Variants in MACROD2 observed in about 807,000 individuals in gnomAD.
The protein encoded by MACROD2 is mono-ADP ribosylhydrolase 2.
Under a neutral mutation model 70.4 loss-of-function variants are expected in MACROD2, and 36 were observed. The ratio of observed to expected loss-of-function variants is 0.51; its 90% CI spans 0.39 to 0.68. MACROD2 has a LOEUF of 0.68. Ranked by LOEUF, MACROD2 falls within the 30% of genes least tolerant of loss-of-function variation. MACROD2 has a pLI of 0.00. For synonymous variants in MACROD2, 172 were observed against 178.8 expected (o/e 0.96, Z 0.30); for missense variants, 496 against 538.4 (o/e 0.92, Z 0.78).
intron 3 of MACROD2, among the ~76,000 whole-genome samples, chr20:14,322,403 A>ATC (rs1555780282): frequency 2.2e-5 from 2 of 89,172 alleles, no homozygotes; most frequent in South Asian, 3.0e-4. Flanking sequence ...TATCAATATA[A>ATC]TCTCTTTTTT....
intron 5 of MACROD2, among the ~76,000 whole-genome samples, chr20:14,790,080 C>A (rs1218756787): frequency 2.0e-5 from 3 of 151,832 alleles, no homozygotes; most frequent in African/African-American, 7.3e-5. Flanking sequence ...AATAATAAAA[C>A]CAAAATTATC....
intron 5 of MACROD2, among the ~76,000 whole-genome samples, chr20:14,750,988 T>G (rs1299523102): frequency 2.6e-5 from 4 of 152,120 alleles, no homozygotes; most frequent in Non-Finnish European, 5.9e-5. Flanking sequence ...TTGTTTTCCC[T>G]GTCAGGCTTT....
intron 5 of MACROD2, among the ~76,000 whole-genome samples, chr20:14,742,605 A>G (rs2071746234): frequency 6.6e-6 from 1 of 151,632 alleles, no homozygotes; most frequent in Admixed American, 6.6e-5. Context: ...GGTTAAAATC[A>G]TGGTTGAAAT....
intron 3 of MACROD2, among the ~76,000 whole-genome samples, chr20:14,190,828 C>T (rs1284193607): frequency 1.3e-5 from 2 of 148,668 alleles, no homozygotes; most frequent in African/African-American, 5.0e-5. Context: ...CTGCCTCAGC[C>T]TCCTGAGTAG....
At chr20:15,101,048 A>G (rs185230320) in intron 5 of MACROD2, among the ~76,000 whole-genome samples, 4 of 152,270 alleles carry the variant, frequency 2.6e-5, no homozygotes, top group African/African-American at 9.6e-5. Context: ...GATGACTAAG[A>G]TACTGCTATT....
intron 5 of MACROD2, among the ~76,000 whole-genome samples, chr20:14,866,985 T>C (rs1349075140): frequency 6.6e-6 from 1 of 152,104 alleles, no homozygotes; most frequent in African/African-American, 2.4e-5. Context: ...TAACAGTAAT[T>C]TTCCCCCCTG....
intron 7 of MACROD2, among the ~76,000 whole-genome samples, chr20:15,450,357 CAT>C (rs1344106242): frequency 6.6e-6 from 1 of 151,736 alleles, no homozygotes; most frequent in Non-Finnish European, 1.5e-5. Flanking sequence ...TTTAAAGAAA[CAT>C]ATAAGTACTG....
chr20:14,661,130 G>T (rs908907876), intron 4 of MACROD2, among the ~76,000 whole-genome samples: 1 of 151,842 alleles, frequency 6.6e-6, no homozygotes, highest in East Asian at 1.9e-4. Flanking sequence ...TCTCCAAATG[G>T]CTTTCTACAG....
chr20:14,381,285 G>A (rs185582596), intron 3 of MACROD2, among the ~76,000 whole-genome samples: 260 of 152,238 alleles, frequency 1.7e-3, no homozygotes, highest in Non-Finnish European at 3.3e-3. Context: ...TATATTGCAT[G>A]TAAACTGTAT....
At chr20:15,717,150 C>A (rs1391133617) in intron 8 of MACROD2, among the ~76,000 whole-genome samples, 1 of 152,178 alleles carries the variant, frequency 6.6e-6, no homozygotes, top group African/African-American at 2.4e-5. Flanking sequence ...TTAAAACTCT[C>A]ATTTCTTCCT....
chr20:14,120,969 A>G (rs897298366), intron 3 of MACROD2, among the ~76,000 whole-genome samples: 2 of 151,902 alleles, frequency 1.3e-5, no homozygotes, highest in African/African-American at 4.8e-5. Context: ...AACCATCATT[A>G]CACATGTATA....
At chr20:14,725,081 G>A (rs2071512846) in intron 5 of MACROD2, among the ~76,000 whole-genome samples, 1 of 152,088 alleles carries the variant, frequency 6.6e-6, no homozygotes, top group African/African-American at 2.4e-5. Flanking sequence ...TGGATATGGG[G>A]AGTGAAAGGA....
chr20:14,612,292 T>C (rs1168035801), intron 4 of MACROD2, among the ~76,000 whole-genome samples: 1 of 152,142 alleles, frequency 6.6e-6, no homozygotes, highest in Non-Finnish European at 1.5e-5. Flanking sequence ...AAAATGAAAG[T>C]TACAAAGCCT....
At chr20:15,191,949 A>C (rs534279180) in intron 5 of MACROD2, among the ~76,000 whole-genome samples, 1 of 105,766 alleles carries the variant, frequency 9.5e-6, no homozygotes, top group African/African-American at 3.4e-5. Flanking sequence ...GAGAGAGTTA[A>C]TACATATATA....
In MACROD2 at chr20:15,068,305, G is replaced by GTAGT. The variant is rs2075593288; in HGVS notation, c.419-161635_419-161634insTAGT. On this transcript the variant is annotated intron_variant, in intron 5 of 17. Transcript: ENST00000684519. The stretch of plus-strand genomic sequence containing the variant: ...ACATGACTACTTGTGATTGACTTCA[G>GTAGT]CATACATTGTATATAGTTTAAAAAA... Among the ~76,000 whole-genome samples the GTAGT allele has an allele frequency of 1.3e-5, 2 of 152,074 alleles. 1 individual carries two copies. The highest frequency in any genetic ancestry group is 4.8e-5 in the African/African-American group (2 of 41,406).
chr20:14,727,624 C>A (rs746123863), intron 5 of MACROD2, among the ~76,000 whole-genome samples: 8 of 152,190 alleles, frequency 5.3e-5, no homozygotes, highest in Non-Finnish European at 1.0e-4. Flanking sequence ...TCTTCAGTCT[C>A]ATTTGCTGTT....
intron 6 of MACROD2, among the ~76,000 whole-genome samples, chr20:15,343,246 A>AT (rs992093529): frequency 6.6e-6 from 1 of 152,148 alleles, no homozygotes; most frequent in African/African-American, 2.4e-5. Context: ...TTATTTTGAC[A>AT]TTTTTTGTGT....
chr20:16,022,372 G>A (rs1203648341), intron 15 of MACROD2, among the ~76,000 whole-genome samples: 2 of 151,926 alleles, frequency 1.3e-5, no homozygotes, highest in Admixed American at 6.6e-5. Flanking sequence ...TTTAATTTTA[G>A]CTATAGCTTT....
chr20:14,320,880 T>C (rs1156762579), intron 3 of MACROD2, among the ~76,000 whole-genome samples: 1 of 152,162 alleles, frequency 6.6e-6, no homozygotes, highest in Non-Finnish European at 1.5e-5. Context: ...ATAACCAGTA[T>C]GTGCTTTTCT....
Sources: allele counts gnomAD v4.1 joint callset (sites outside exome capture counted in the v4.1 genomes callset), GRCh38; gene constraint gnomAD v4.1.1; transcripts MANE v1.5; gene names NCBI Gene and HGNC (gene_info 2026-07-23, HGNC 2026-07-21).